Variants in GABRA4 observed in about 807,000 individuals in gnomAD.
GABRA4 encodes the protein gamma-aminobutyric acid receptor subunit alpha-4.
Under a neutral mutation model 49.7 loss-of-function variants are expected in GABRA4, and 12 were observed. That is an observed-to-expected ratio of 0.24 (90% CI 0.15 to 0.39). The LOEUF is 0.39. Ranked by LOEUF, GABRA4 falls within the 10% of genes least tolerant of loss-of-function variation. GABRA4 has a pLI of 1.00. For missense variants in GABRA4, 506 were observed against 686.0 expected, an observed-to-expected ratio of 0.74 and a Z score of 2.93; for synonymous variants, 288 against 240.2, an observed-to-expected ratio of 1.20 and a Z score of -1.84.
Position 46,993,324 on chromosome 4 carries a change from C to A in GABRA4, c.86+15G>T, listed in dbSNP as rs1723849015. 6.2e-7 allele frequency: 1 copy of A among 1,612,188 alleles called. No homozygotes were observed. Among genetic ancestry groups the A allele is most frequent in the African/African-American group, 1.3e-5 (1 of 74,902 alleles). ...ACTTTCCGTTGCCCACCTCCTCGCACCCCAGAGAACTCACCAAACCGCCAG... is the reference window on the plus strand; with the variant it reads ...ACTTTCCGTTGCCCACCTCCTCGCAACCCAGAGAACTCACCAAACCGCCAG... On this transcript the variant is annotated intron_variant, in intron 1 of 8. Transcript: ENST00000264318.
chr4:46,958,007 C>A (rs1722427276), intron 8 of GABRA4, among the ~76,000 whole-genome samples: 1 of 151,788 alleles, frequency 6.6e-6, no homozygotes, highest in Non-Finnish European at 1.5e-5. Context: ...CTTCTGTATT[C>A]ATATATACAT....
chr4:46,992,099 C>A (rs1172001568), intron 2 of GABRA4, among the ~76,000 whole-genome samples: 3 of 152,100 alleles, frequency 2.0e-5, no homozygotes, highest in Non-Finnish European at 2.9e-5. Context: ...TAGTACCTAG[C>A]GCAAAGCTTG....
At chr4:46,936,506 T>G (rs1721608472) in intron 8 of GABRA4, among the ~76,000 whole-genome samples, 1 of 152,248 alleles carries the variant, frequency 6.6e-6, no homozygotes, top group Admixed American at 6.5e-5. Flanking sequence ...CACCTCGGCC[T>G]CCCAAAGTGC....
At chr4:46,938,568 G>A (rs1721677296) in intron 8 of GABRA4, among the ~76,000 whole-genome samples, 1 of 152,108 alleles carries the variant, frequency 6.6e-6, no homozygotes, top group South Asian at 2.1e-4. Flanking sequence ...AGTCTTTGAT[G>A]AGCCAAGAAC....
intron 8 of GABRA4, among the ~76,000 whole-genome samples, chr4:46,932,211 C>A (rs1281163465): frequency 6.6e-6 from 1 of 151,992 alleles, no homozygotes; most frequent in Non-Finnish European, 1.5e-5. Context: ...CATATTTTGC[C>A]CTTCATAATC....
At chr4:46,942,911 C>T (rs1473529993) in intron 8 of GABRA4, among the ~76,000 whole-genome samples, 1 of 152,038 alleles carries the variant, frequency 6.6e-6, no homozygotes, top group Non-Finnish European at 1.5e-5. Context: ...AAATCAATGT[C>T]TTCTCCCCCC....
intron 2 of GABRA4, among the ~76,000 whole-genome samples, chr4:46,988,115 C>A (rs1723607647): frequency 6.6e-6 from 1 of 152,140 alleles, no homozygotes; most frequent in Admixed American, 6.6e-5. Context: ...TTTTCTCTTA[C>A]TCTTTTCATG....
Position 46,925,607 on chromosome 4 carries a change from GTGTTTT to G in GABRA4, c.*2612_*2617del. On this transcript the variant is annotated 3_prime_UTR_variant, in exon 9 of 9. Transcript: ENST00000264318. ...GAAAAGTGACTGGCTCTTTGCAAAA[GTGTTTT>G]TACTTGATGTACCTCTGGGTTATTG... 6.6e-6 allele frequency: 1 copy of G among 151,444 alleles called. No homozygotes were observed. The highest frequency in any genetic ancestry group is 1.9e-4 in the East Asian group (1 of 5,170). 9.4% of individuals were successfully genotyped at this position (151,444 alleles called of 1,614,324 possible). A position where few individuals can be genotyped will look rare whatever the true frequency, so the allele number is the denominator to read the frequency against.
intron 2 of GABRA4, among the ~76,000 whole-genome samples, chr4:46,986,709 C>A (rs1344616674): frequency 6.6e-6 from 1 of 152,062 alleles, no homozygotes; most frequent in Non-Finnish European, 1.5e-5. Context: ...ACCTGATATG[C>A]AATAGACATC....
chr4:46,942,734 G>A (rs1721852168), intron 8 of GABRA4, among the ~76,000 whole-genome samples: 1 of 151,440 alleles, frequency 6.6e-6, no homozygotes, highest in Non-Finnish European at 1.5e-5. Flanking sequence ...TTCTAGCAAT[G>A]TTCCATTTGC....
chr4:46,955,357 T>A (rs1722304376), intron 8 of GABRA4, among the ~76,000 whole-genome samples: 1 of 152,122 alleles, frequency 6.6e-6, no homozygotes, highest in African/African-American at 2.4e-5. Flanking sequence ...GATGCGAATG[T>A]TGGCATTTTT....
intron 7 of GABRA4, among the ~76,000 whole-genome samples, chr4:46,969,134 T>C (rs1477854024): frequency 6.6e-6 from 1 of 151,588 alleles, no homozygotes; most frequent in African/African-American, 2.4e-5. Context: ...TAATAAGTGA[T>C]AGTCCCTTGG....
intron 7 of GABRA4, among the ~76,000 whole-genome samples, chr4:46,965,507 G>T (rs990266625): frequency 1.3e-5 from 2 of 151,724 alleles, no homozygotes; most frequent in Non-Finnish European, 2.9e-5. Flanking sequence ...GGCTTTATTT[G>T]ATACCCACTG....
intron 2 of GABRA4, 47 bp downstream of exon 2, chr4:46,992,781 A>C: frequency 7.5e-7 from 1 of 1,328,460 alleles, no homozygotes; most frequent in South Asian, 1.2e-5. Flanking sequence ...AGGAAGACCA[A>C]GAGAGGGACA....
intron 5 of GABRA4, among the ~76,000 whole-genome samples, chr4:46,975,932 T>C (rs1723126265): frequency 6.6e-6 from 1 of 151,942 alleles, no homozygotes; most frequent in Non-Finnish European, 1.5e-5. Flanking sequence ...TTGTGATTAC[T>C]AGGGGTTATA....
chr4:46,978,687 C>CAAAAAAAAAAAAAAAAAAAAAAA (rs71193889), intron 3 of GABRA4, among the ~76,000 whole-genome samples: 12 of 21,644 alleles, frequency 5.5e-4, no homozygotes, highest in East Asian at 4.3e-3. Flanking sequence ...AACTTCATCT[C>CAAAAAAAAAAAAAAAAAAAAAAA]AAAAAAAAAA....
intron 7 of GABRA4, among the ~76,000 whole-genome samples, chr4:46,968,423 C>T (rs1211587746): frequency 2.6e-5 from 4 of 151,276 alleles, no homozygotes; most frequent in African/African-American, 9.7e-5. Flanking sequence ...CATGTAATCT[C>T]ACTCAGCAGT....
At chr4:46,939,632 G>T (rs2109346102) in intron 8 of GABRA4, among the ~76,000 whole-genome samples, 1 of 152,032 alleles carries the variant, frequency 6.6e-6, no homozygotes, top group East Asian at 1.9e-4. Context: ...ATGCTTATGA[G>T]ATTTTTTTAA....
intron 7 of GABRA4, among the ~76,000 whole-genome samples, chr4:46,970,758 T>C (rs1042695044): frequency 7.9e-5 from 12 of 151,566 alleles, no homozygotes; most frequent in African/African-American, 2.9e-4. Context: ...AACATGGAGA[T>C]ATAATTTTAA....
Sources: gnomAD v4.1 joint callset for allele counts (sites outside exome capture counted in the v4.1 genomes callset) on GRCh38, gnomAD v4.1.1 for gene constraint, MANE v1.5 for transcripts, NCBI Gene and HGNC (gene_info 2026-07-23, HGNC 2026-07-21) for gene names.